Variants in ARHGAP15 observed in about 807,000 individuals in gnomAD.
ARHGAP15 encodes the protein rho GTPase-activating protein 15.
Under a neutral mutation model 63.7 loss-of-function variants are expected in ARHGAP15, and 51 were observed. The ratio of observed to expected loss-of-function variants is 0.80; its 90% CI spans 0.64 to 1.01. ARHGAP15 has a LOEUF of 1.01. Ranked by LOEUF, ARHGAP15 falls within the 50% of genes least tolerant of loss-of-function variation. ARHGAP15 has a pLI of 0.00. For missense variants in ARHGAP15, 560 were observed against 564.6 expected, an observed-to-expected ratio of 0.99 and a Z score of 0.08; for synonymous variants, 191 against 193.8, an observed-to-expected ratio of 0.99 and a Z score of 0.12.
chr2:143,420,985 G>C (rs1444728693), intron 6 of ARHGAP15, among the ~76,000 whole-genome samples: 1 of 152,172 alleles, frequency 6.6e-6, no homozygotes, highest in East Asian at 1.9e-4. Flanking sequence ...AACGTGGAGT[G>C]CACTCATTGT....
At chr2:143,691,225 G>T (rs947909807) in intron 12 of ARHGAP15, among the ~76,000 whole-genome samples, 1 of 152,166 alleles carries the variant, frequency 6.6e-6, no homozygotes. Context: ...TGGAAAGTTA[G>T]GTCTGCTCTG....
chr2:143,575,085 ATAAATC>A (rs1327654304), intron 11 of ARHGAP15, among the ~76,000 whole-genome samples: 1 of 152,168 alleles, frequency 6.6e-6, no homozygotes, highest in Non-Finnish European at 1.5e-5. Context: ...CGCAAATCAC[ATAAATC>A]TATTTCTTCA....
At chr2:143,379,868 A>G (rs1448194149) in intron 6 of ARHGAP15, among the ~76,000 whole-genome samples, 1 of 152,072 alleles carries the variant, frequency 6.6e-6, no homozygotes, top group East Asian at 1.9e-4. Flanking sequence ...CTTACTCAAC[A>G]TCCATTAAAC....
chr2:143,528,787 G>A (rs946312474), intron 10 of ARHGAP15, among the ~76,000 whole-genome samples: 1 of 152,050 alleles, frequency 6.6e-6, no homozygotes, highest in Non-Finnish European at 1.5e-5. Context: ...GTATTGTCAC[G>A]ACAACAGTGA....
chr2:143,290,279 C>T (rs979129836), intron 6 of ARHGAP15, among the ~76,000 whole-genome samples: 1 of 151,982 alleles, frequency 6.6e-6, no homozygotes, highest in African/African-American at 2.4e-5. Context: ...CTAAATAAGA[C>T]ATTAGTTCAG....
At chr2:143,345,426 G>T (rs531774809) in intron 6 of ARHGAP15, among the ~76,000 whole-genome samples, 3 of 152,162 alleles carry the variant, frequency 2.0e-5, no homozygotes, top group African/African-American at 7.2e-5. Context: ...TCATTTTTAT[G>T]TGCAACTTCT....
intron 5 of ARHGAP15, among the ~76,000 whole-genome samples, chr2:143,234,540 C>T (rs1241421580): frequency 2.0e-5 from 3 of 152,210 alleles, no homozygotes; most frequent in African/African-American, 7.2e-5. Flanking sequence ...GTATAAAACT[C>T]TCCAATTATG....
At chr2:143,680,511 A>G (rs1683052387) in intron 12 of ARHGAP15, among the ~76,000 whole-genome samples, 1 of 152,222 alleles carries the variant, frequency 6.6e-6, no homozygotes, top group Non-Finnish European at 1.5e-5. Context: ...ATCCTTCTAA[A>G]TGGTGGGTGG....
intron 6 of ARHGAP15, among the ~76,000 whole-genome samples, chr2:143,307,550 G>C (rs1263015423): frequency 6.6e-6 from 1 of 152,054 alleles, no homozygotes; most frequent in Non-Finnish European, 1.5e-5. Context: ...TGATCATTCT[G>C]ATCAAAACCT....
intron 2 of ARHGAP15, among the ~76,000 whole-genome samples, chr2:143,156,139 G>T (rs969712988): frequency 3.3e-5 from 5 of 151,820 alleles, no homozygotes; most frequent in Non-Finnish European, 7.4e-5. Context: ...GGGCTTAAAG[G>T]ATTGAAATGC....
intron 6 of ARHGAP15, among the ~76,000 whole-genome samples, chr2:143,307,316 A>AG (rs970419334): frequency 2.2e-4 from 34 of 152,136 alleles, no homozygotes; most frequent in African/African-American, 8.0e-4. Flanking sequence ...TCATATTCAC[A>AG]GGTCCTGTCT....
chr2:143,682,563 C>T (rs1264848160), intron 12 of ARHGAP15: 2 of 152,162 alleles, frequency 1.3e-5, no homozygotes, highest in Non-Finnish European at 2.9e-5. Context: ...CACGCACACA[C>T]ACATTCCAGC....
At chr2:143,745,365 C>A (rs888978447) in intron 13 of ARHGAP15, among the ~76,000 whole-genome samples, 2 of 152,238 alleles carry the variant, frequency 1.3e-5, no homozygotes, top group African/African-American at 4.8e-5. Flanking sequence ...CAGCCACCAT[C>A]AGCCAGGTGA....
intron 6 of ARHGAP15, among the ~76,000 whole-genome samples, chr2:143,357,508 G>T (rs1016105285): frequency 1.3e-5 from 2 of 152,208 alleles, no homozygotes. Context: ...GAACCCAAAG[G>T]TTAACTTTCC....
At chr2:143,631,233 G>T (rs2105254835) in intron 12 of ARHGAP15, among the ~76,000 whole-genome samples, 1 of 151,914 alleles carries the variant, frequency 6.6e-6, no homozygotes, top group East Asian at 1.9e-4. Flanking sequence ...TGGATATTTG[G>T]GTTGTTTCTA....
chr2:143,727,354 T>C (rs907489140), intron 13 of ARHGAP15, among the ~76,000 whole-genome samples: 2 of 152,220 alleles, frequency 1.3e-5, no homozygotes, highest in African/African-American at 4.8e-5. Flanking sequence ...TGCACTTTGG[T>C]ACCTGATGGC....
chr2:143,537,008 T>C (rs1287475193), intron 10 of ARHGAP15, among the ~76,000 whole-genome samples: 1 of 152,010 alleles, frequency 6.6e-6, no homozygotes, highest in African/African-American at 2.4e-5. Flanking sequence ...AAAGTGTTCC[T>C]ATTTCTCCAC....
At chr2:143,334,882 G>A (rs62170424) in intron 6 of ARHGAP15, among the ~76,000 whole-genome samples, 25,212 of 152,140 alleles carry the variant, frequency 0.17, 2,406 homozygotes, top group East Asian at 0.41. Context: ...TCTGAGGTCG[G>A]GAGTTCGAGA....
chr2:143,767,261 G>A (rs1489663914), intron 13 of ARHGAP15, among the ~76,000 whole-genome samples: 1 of 151,972 alleles, frequency 6.6e-6, no homozygotes, highest in Non-Finnish European at 1.5e-5. Flanking sequence ...GTCCTGTGTT[G>A]GAACAGGCAA....
Sources: allele counts gnomAD v4.1 joint callset (sites outside exome capture counted in the v4.1 genomes callset), GRCh38; gene constraint gnomAD v4.1.1; transcripts MANE v1.5; gene names NCBI Gene and HGNC (gene_info 2026-07-23, HGNC 2026-07-21).